The following NELL2 variants were observed in gnomAD, a reference collection of about 807,000 sequenced individuals.
NELL2 encodes neural EGFL like 2.
Under a neutral mutation model 109.6 loss-of-function variants are expected in NELL2, and 41 were observed. That is an observed-to-expected ratio of 0.37 (90% CI 0.29 to 0.49). NELL2 has a LOEUF of 0.49. Among genes scored for constraint, NELL2 ranks in the 20% least tolerant of loss-of-function variants. The pLI is 0.98. For synonymous variants in NELL2, 355 were observed against 344.7 expected (o/e 1.03, Z -0.33); for missense variants, 900 against 1,008.3 (o/e 0.89, Z 1.45).
chr12:44,884,091 A>T (rs532223789), intron 1 of NELL2, among the ~76,000 whole-genome samples: 1 of 151,808 alleles, frequency 6.6e-6, no homozygotes, highest in South Asian at 2.1e-4. Context: ...TACTTCAAAT[A>T]TAATGAGGTA....
chr12:44,815,207 G>A (rs977134415), intron 3 of NELL2, among the ~76,000 whole-genome samples: 1 of 151,976 alleles, frequency 6.6e-6, no homozygotes. Context: ...CCCATCCAGA[G>A]CTCCTAATCC....
At chr12:44,770,084 T>C (rs1005870621) in intron 9 of NELL2, among the ~76,000 whole-genome samples, 1 of 152,142 alleles carries the variant, frequency 6.6e-6, no homozygotes, top group Admixed American at 6.5e-5. Flanking sequence ...CCTGGCTTCA[T>C]TATTCTTCTA....
chr12:44,865,556 C>T (rs1039417421), intron 2 of NELL2, among the ~76,000 whole-genome samples: 7 of 106,096 alleles, frequency 6.6e-5, no homozygotes, highest in Admixed American at 1.0e-4. Flanking sequence ...AGTAAACTAT[C>T]GCAAGAACAA....
chr12:44,525,178 T>C (rs1429472188), intron 16 of NELL2, among the ~76,000 whole-genome samples: 1 of 152,234 alleles, frequency 6.6e-6, no homozygotes, highest in Non-Finnish European at 1.5e-5. Context: ...GCAATCATTT[T>C]ATTTTGCTTG....
At chr12:44,598,830 C>T (rs1013454025) in intron 15 of NELL2, among the ~76,000 whole-genome samples, 34 of 142,802 alleles carry the variant, frequency 2.4e-4, no homozygotes, top group Non-Finnish European at 4.6e-5. Flanking sequence ...AGGCCTGCCC[C>T]TCAGTTTAAG....
chr12:44,600,053 C>G (rs994552174), intron 15 of NELL2, among the ~76,000 whole-genome samples: 3 of 151,050 alleles, frequency 2.0e-5, no homozygotes, highest in African/African-American at 4.9e-5. Context: ...GCCCCGCCTC[C>G]CCAGTTCACG....
At chr12:44,899,018 A>G (rs1024639118) in intron 1 of NELL2, among the ~76,000 whole-genome samples, 2 of 152,088 alleles carry the variant, frequency 1.3e-5, no homozygotes, top group African/African-American at 2.4e-5. Context: ...GAGATTGAAG[A>G]TCAACTTAAT....
At chr12:44,812,443 C>A (rs1943210503) in intron 3 of NELL2, among the ~76,000 whole-genome samples, 1 of 152,092 alleles carries the variant, frequency 6.6e-6, no homozygotes, top group African/African-American at 2.4e-5. Context: ...GGTTTCAGTG[C>A]CAAGAATGGT....
chr12:44,618,707 G>T (rs189240251), intron 13 of NELL2, among the ~76,000 whole-genome samples: 61 of 152,204 alleles, frequency 4.0e-4, no homozygotes, highest in Non-Finnish European at 7.1e-4. Context: ...ATTATTCAAG[G>T]ACTGGTGATA....
intron 2 of NELL2, among the ~76,000 whole-genome samples, chr12:44,831,268 C>T (rs1161201144): frequency 2.0e-5 from 3 of 152,148 alleles, no homozygotes; most frequent in Non-Finnish European, 4.4e-5. Flanking sequence ...ACACATCTGA[C>T]CCCACCATGC....
chr12:44,691,001 G>A (rs1869163), intron 12 of NELL2, among the ~76,000 whole-genome samples: 8,943 of 152,096 alleles, frequency 0.059, 878 homozygotes, highest in African/African-American at 0.2. Flanking sequence ...TAATAGACTT[G>A]ATTATGAATA....
intron 15 of NELL2, among the ~76,000 whole-genome samples, chr12:44,593,772 A>G (rs1257535513): frequency 1.3e-5 from 2 of 152,150 alleles, no homozygotes; most frequent in Non-Finnish European, 2.9e-5. Flanking sequence ...TGTTTCCCAT[A>G]GCCTTGTAGT....
intron 1 of NELL2, among the ~76,000 whole-genome samples, chr12:44,913,336 A>G (rs558028969): frequency 5.9e-5 from 9 of 152,300 alleles, no homozygotes; most frequent in African/African-American, 2.2e-4. Context: ...AAGTCAGGAT[A>G]TAAAAATGTA....
chr12:44,540,781 C>CAAA lies in NELL2; in HGVS notation c.1664-8063_1664-8061dup, dbSNP rs57205620. Among the ~76,000 whole-genome samples the CAAA allele has an allele frequency of 6.0e-5, 3 of 49,750 alleles. 1 individual carries two copies. The highest frequency in any genetic ancestry group is 2.5e-4 in the African/African-American group (3 of 11,988). The allele number at this position is 49,750 out of a possible 152,430, so 32.6% of individuals were successfully genotyped here. On this transcript the variant is annotated intron_variant, in intron 15 of 19. Transcript: ENST00000429094. ...AGCTTACTAATGTAAGTCTGCAAGCCAAAAAAAAAAAAAAAAAGCCCATCC... is the reference window on the plus strand; with the variant it reads ...AGCTTACTAATGTAAGTCTGCAAGCCAAAAAAAAAAAAAAAAAAAAGCCCATCC...
intron 9 of NELL2, among the ~76,000 whole-genome samples, chr12:44,756,050 C>A (rs866140035): frequency 1.3e-5 from 2 of 152,286 alleles, no homozygotes; most frequent in African/African-American, 4.8e-5. Flanking sequence ...TCCAGTAATT[C>A]ACCTTAGATC....
intron 9 of NELL2, among the ~76,000 whole-genome samples, chr12:44,761,165 TG>T (rs1449129995): frequency 2.6e-5 from 4 of 152,084 alleles, no homozygotes; most frequent in African/African-American, 9.7e-5. Context: ...AGTTCAAGAC[TG>T]GCCTGACTAA....
chr12:44,810,018 G>A (rs1411743755), intron 3 of NELL2, among the ~76,000 whole-genome samples: 1 of 152,042 alleles, frequency 6.6e-6, no homozygotes, highest in East Asian at 1.9e-4. Context: ...CCTCATGCTA[G>A]AGTTAAGGAC....
intron 19 of NELL2, 131 bp from the exon 20 acceptor site, chr12:44,509,115 C>T: frequency 1.4e-6 from 1 of 724,738 alleles, no homozygotes; most frequent in Non-Finnish European, 2.3e-6. Context: ...ATTCAATGGC[C>T]CAATCACTTT....
intron 13 of NELL2, among the ~76,000 whole-genome samples, chr12:44,656,451 G>A (rs577989689): frequency 1.1e-4 from 16 of 152,240 alleles, no homozygotes; most frequent in African/African-American, 3.4e-4. Flanking sequence ...AGAGAAAAGT[G>A]CCCAGTTGAA....
Sources: allele counts gnomAD v4.1 joint callset (sites outside exome capture counted in the v4.1 genomes callset), GRCh38; gene constraint gnomAD v4.1.1; transcripts MANE v1.5; gene names NCBI Gene and HGNC (gene_info 2026-07-23, HGNC 2026-07-21).